KDM4C: variants seen among roughly 807,000 people sequenced by gnomAD.
KDM4C encodes lysine demethylase 4C.
In KDM4C, 81 loss-of-function variants were observed where a neutral mutation model predicts 129.3. The ratio of observed to expected loss-of-function variants is 0.63; its 90% CI spans 0.52 to 0.75. KDM4C has a LOEUF of 0.75. Ranked by LOEUF, KDM4C falls within the 30% of genes least tolerant of loss-of-function variation. KDM4C has a pLI of 0.00. For missense variants in KDM4C, 1,457 were observed against 1,304.0 expected, an observed-to-expected ratio of 1.12 and a Z score of -1.81; for synonymous variants, 573 against 456.1, an observed-to-expected ratio of 1.26 and a Z score of -3.26.
At chr9:6,945,041 C>G (rs1475526016) in intron 8 of KDM4C, among the ~76,000 whole-genome samples, 1 of 152,128 alleles carries the variant, frequency 6.6e-6, no homozygotes, top group Non-Finnish European at 1.5e-5. Context: ...TTGTGATCAT[C>G]CAGGGACCTT....
chr9:6,976,045 A>C (rs1213105089), intron 8 of KDM4C, among the ~76,000 whole-genome samples: 1 of 151,414 alleles, frequency 6.6e-6, no homozygotes, highest in Non-Finnish European at 1.5e-5. Flanking sequence ...CTCAAAAATA[A>C]AATAAAAAAT....
intron 15 of KDM4C, among the ~76,000 whole-genome samples, chr9:7,021,876 T>A (rs1824921523): frequency 6.6e-6 from 1 of 152,192 alleles, no homozygotes; most frequent in Admixed American, 6.5e-5. Flanking sequence ...TCCATTTAAG[T>A]ATCTAGTTTT....
chr9:7,046,738 A>G (rs772349327), intron 15 of KDM4C, 124 bp from the exon 16 acceptor site: 2 of 752,034 alleles, frequency 2.7e-6, no homozygotes, highest in Non-Finnish European at 4.7e-6. Flanking sequence ...ATAGACCTTC[A>G]TGTAATTCCT....
intron 6 of KDM4C, among the ~76,000 whole-genome samples, chr9:6,882,808 G>GCGTGTGCA (rs1236035938): frequency 6.6e-6 from 1 of 151,484 alleles, no homozygotes; most frequent in Non-Finnish European, 1.5e-5. Flanking sequence ...GTGTGTGTGC[G>GCGTGTGCA]CGTGTGCACG....
intron 8 of KDM4C, among the ~76,000 whole-genome samples, chr9:6,961,531 TCAGA>T (rs1378335302): frequency 2.6e-5 from 4 of 152,234 alleles, no homozygotes; most frequent in African/African-American, 9.6e-5. Flanking sequence ...CTATTTCTCA[TCAGA>T]CAGAATATAG....
intron 8 of KDM4C, among the ~76,000 whole-genome samples, chr9:6,936,482 G>A (rs559967736): frequency 1.3e-5 from 2 of 152,192 alleles, no homozygotes; most frequent in African/African-American, 4.8e-5. Flanking sequence ...TTTTAATATA[G>A]TGAAGTCTTA....
intron 1 of KDM4C, among the ~76,000 whole-genome samples, chr9:6,767,109 T>G (rs1470495381): frequency 6.6e-6 from 1 of 151,998 alleles, no homozygotes; most frequent in Non-Finnish European, 1.5e-5. Flanking sequence ...TCTCATTTTG[T>G]TTTTTATCTA....
chr9:7,108,402 A>C (rs1384867002), intron 18 of KDM4C, among the ~76,000 whole-genome samples: 1 of 151,810 alleles, frequency 6.6e-6, no homozygotes, highest in Non-Finnish European at 1.5e-5. Context: ...ATGTCCTGCT[A>C]ATTTTTGTAT....
intron 1 of KDM4C, among the ~76,000 whole-genome samples, chr9:6,766,892 C>A (rs1291078131): frequency 5.3e-5 from 8 of 152,058 alleles, no homozygotes; most frequent in Non-Finnish European, 1.2e-4. Context: ...CGATAAATTC[C>A]TTCATTTGGC....
Position 7,169,785 on chromosome 9 carries a change from T to G in KDM4C, c.2902-13T>G, listed in dbSNP as rs1364927632. On this transcript the variant is annotated splice_polypyrimidine_tract_variant and intron_variant, in intron 20 of 21. Transcript: ENST00000381309. ...TTTTTTAATATGTATCATGTTATAT[T>G]ATCTTTCATTAGGTTGAGTTTGAAG... 1 of 1,592,938 alleles carries G rather than the reference T, an allele frequency of 6.3e-7. No individual in the cohort carries two copies. The highest frequency in any genetic ancestry group is 8.6e-7 in the Non-Finnish European group (1 of 1,163,458).
At chr9:7,137,065 C>A (rs1443709248) in intron 19 of KDM4C, among the ~76,000 whole-genome samples, 1 of 152,170 alleles carries the variant, frequency 6.6e-6, no homozygotes, top group East Asian at 1.9e-4. Flanking sequence ...AGATCTCTGG[C>A]CCTGAAAAAC....
chr9:6,914,055 T>C (rs1358954534), intron 8 of KDM4C, among the ~76,000 whole-genome samples: 2 of 152,196 alleles, frequency 1.3e-5, no homozygotes, highest in African/African-American at 4.8e-5. Flanking sequence ...ACATAGTACA[T>C]TTTGTATTTT....
chr9:6,886,121 C>G (rs1845221267), intron 6 of KDM4C, among the ~76,000 whole-genome samples: 1 of 152,150 alleles, frequency 6.6e-6, no homozygotes, highest in South Asian at 2.1e-4. Flanking sequence ...CCTTGGTGCC[C>G]TTCTCTGTGT....
chr9:6,749,719 G>C (rs1818006716), intron 1 of KDM4C, among the ~76,000 whole-genome samples: 1 of 152,074 alleles, frequency 6.6e-6, no homozygotes, highest in Admixed American at 6.6e-5. Context: ...GGGCGCAGTG[G>C]CTCATGCCTG....
chr9:6,814,902 C>A, intron 4 of KDM4C, 157 bp downstream of exon 4: 2 of 434,266 alleles, frequency 4.6e-6, no homozygotes, highest in Non-Finnish European at 8.1e-6. Context: ...ATTTCTGCTG[C>A]TGGTATTTTT....
At chr9:6,827,577 T>G (rs538813802) in intron 4 of KDM4C, among the ~76,000 whole-genome samples, 1 of 152,332 alleles carries the variant, frequency 6.6e-6, no homozygotes, top group Non-Finnish European at 1.5e-5. Context: ...TATTTGAGGC[T>G]GTGGGTTTCC....
intron 3 of KDM4C, among the ~76,000 whole-genome samples, chr9:6,810,610 G>T (rs1830968269): frequency 6.6e-6 from 1 of 151,956 alleles, no homozygotes; most frequent in Admixed American, 6.6e-5. Flanking sequence ...AGTGGTTCAC[G>T]CTTGTAGTCC....
intron 8 of KDM4C, among the ~76,000 whole-genome samples, chr9:6,930,589 T>A (rs1428469758): frequency 6.8e-6 from 1 of 146,172 alleles, no homozygotes; most frequent in Non-Finnish European, 1.5e-5. Flanking sequence ...ATGTTATATA[T>A]TCATATGTAT....
At position 7,107,956 on chromosome 9, in the gene KDM4C, G is replaced by A. The variant is rs752100988; in HGVS notation, c.2610+4086G>A. On this transcript the variant is annotated intron_variant, in intron 18 of 21. Transcript: ENST00000381309. ...GTTAAAATAATTATCCGATGCTAGG[G>A]AGTGGGATTAGTGGAGAAGAACGAG... Among the ~76,000 whole-genome samples the A allele has an allele frequency of 5.4e-4, 83 of 152,310 alleles. 2 individuals carry two copies. Among genetic ancestry groups the A allele is most frequent in the Admixed American group, 1.9e-3 (29 of 15,300 alleles).
Sources: allele counts gnomAD v4.1 joint callset (sites outside exome capture counted in the v4.1 genomes callset), GRCh38; gene constraint gnomAD v4.1.1; transcripts MANE v1.5; gene names NCBI Gene and HGNC (gene_info 2026-07-23, HGNC 2026-07-21).